The following RBM28 variants were observed in gnomAD, a reference collection of about 807,000 sequenced individuals.
RBM28 encodes the protein RNA-binding protein 28.
RBM28 carries 78 observed loss-of-function variants against 98.3 expected under a neutral mutation model. That is an observed-to-expected ratio of 0.79 (90% CI 0.66 to 0.96). The LOEUF (loss-of-function observed/expected upper bound fraction) is 0.96, where lower values mean the gene tolerates loss of function less well. Ranked by LOEUF, RBM28 falls within the 40% of genes least tolerant of loss-of-function variation. The pLI, the probability that RBM28 is intolerant of heterozygous loss-of-function variation, is 0.00. For synonymous variants in RBM28, 306 were observed against 330.9 expected (o/e 0.92, Z 0.82); for missense variants, 838 against 913.0 (o/e 0.92, Z 1.06).
At chr7:128,323,746 C>T (rs1318348313) in intron 12 of RBM28, among the ~76,000 whole-genome samples, 155 bp from the exon 13 acceptor site, 1 of 152,200 alleles carries the variant, frequency 6.6e-6, no homozygotes, top group African/African-American at 2.4e-5. Context: ...CAGAAATAGG[C>T]TACAGGGCTA....
intron 2 of RBM28, 109 bp downstream of exon 2, chr7:128,339,524 T>C: frequency 1.4e-6 from 2 of 1,396,792 alleles, no homozygotes; most frequent in Non-Finnish European, 2.0e-6. Flanking sequence ...CAAAAAGAAA[T>C]GCAAAAAGCT....
In RBM28 at chr7:128,309,620, G is replaced by A. The variant is rs1460591744; in HGVS notation, c.*1177C>T. The A allele has an allele frequency of 6.8e-6, 1 of 147,408 alleles. No homozygotes were observed. The highest frequency in any genetic ancestry group is 2.5e-5 in the African/African-American group (1 of 39,494). 9.1% of individuals were successfully genotyped at this position (147,408 alleles called of 1,614,324 possible). ...TGCACTCCAGCCTGGGCGACAGAGT[G>A]AGACTCCATCTCAAAAAAAAAAAAA... On this transcript the variant is annotated 3_prime_UTR_variant, in exon 19 of 19. Transcript: ENST00000223073.
chr7:128,343,807 C>T lies in RBM28; in HGVS notation c.-14G>A. ...CAGGCCGGCCATGAGACCGGGAAAC[C>T]CAAAGCGCGTGAGGACGCGAGCAAA... On this transcript the variant is annotated 5_prime_UTR_variant, in exon 1 of 19. Transcript: ENST00000223073. The T allele has an allele frequency of 6.4e-7, 1 of 1,572,406 alleles. No homozygotes were observed. The highest frequency in any genetic ancestry group is 8.6e-7 in the Non-Finnish European group (1 of 1,157,594).
At chr7:128,320,165 C>T (rs539830276) in intron 14 of RBM28, among the ~76,000 whole-genome samples, 2 of 143,378 alleles carry the variant, frequency 1.4e-5, no homozygotes, top group African/African-American at 2.6e-5. Context: ...TGCGTTGAGC[C>T]GAGATCATGC....
rs1795965125 is a variant in RBM28, at chr7:128,310,816, C to T, written c.2261G>A (p.Ser754Asn). 2 of 1,614,196 alleles carry T rather than the reference C, an allele frequency of 1.2e-6. No homozygotes were observed. The highest frequency in any genetic ancestry group is 1.7e-5 in the Admixed American group (1 of 60,024). ...PSKGAPLAKRSKWFDS is the reference protein window; with the variant it reads ...PSKGAPLAKRNKWFDS ...CCATCATCAACTATCAAACCATTTG[C>T]TCCTCTTTGCAAGAGGTGCTCCTTT... Residue 754 changes from serine (S) to asparagine (N), a missense_variant, in exon 19 of 19, where the codon AGC becomes AAC. Transcript: ENST00000223073.
intron 1 of RBM28, among the ~76,000 whole-genome samples, chr7:128,341,801 T>C (rs536616131): frequency 1.3e-5 from 2 of 152,230 alleles, no homozygotes; most frequent in Admixed American, 6.5e-5. Flanking sequence ...ACATATATTC[T>C]TTATTTAAAA....
intron 10 of RBM28, among the ~76,000 whole-genome samples, chr7:128,330,371 CTTTTTTTTT>C (rs72352301): frequency 1.2e-5 from 1 of 83,452 alleles, no homozygotes; most frequent in African/African-American, 4.7e-5. Flanking sequence ...GTCCCTGGTC[CTTTTTTTTT>C]TTTTTTTTTT....
chr7:128,327,327 G>T (rs1181217569), intron 10 of RBM28, among the ~76,000 whole-genome samples: 1 of 152,050 alleles, frequency 6.6e-6, no homozygotes, highest in Non-Finnish European at 1.5e-5. Context: ...GATATGGGCA[G>T]ATCTGCTTCT....
chr7:128,343,693 A>G lies in RBM28; in HGVS notation c.101T>C (p.Phe34Ser). Residue 34 changes from phenylalanine to serine, a missense_variant, in exon 1 of 19, where the codon TTC becomes TCC. Phe to Ser is a radical substitution (Grantham distance 155). Coordinates refer to ENST00000223073, the MANE Select transcript of RBM28 (RefSeq NM_018077.3). ...GCCCCTACCTTTTTCAGTCACCACG[A>G]AGCACTGCTTCACCGGCCCCACCTG... The part of the protein sequence containing the change: ...FSQVGPVKQC[F>S]VVTEKGSKAC... The G allele has an allele frequency of 1.2e-6, 2 of 1,611,010 alleles. No individual in the cohort carries two copies. The highest frequency in any genetic ancestry group is 1.1e-5 in the South Asian group (1 of 90,638).
At chr7:128,342,502 C>A (rs988627298) in intron 1 of RBM28, among the ~76,000 whole-genome samples, 1 of 151,892 alleles carries the variant, frequency 6.6e-6, no homozygotes, top group Non-Finnish European at 1.5e-5. Context: ...GCCAACATAG[C>A]GAAACCCCGT....
At chr7:128,337,562 CT>C (rs57902037) in intron 5 of RBM28, among the ~76,000 whole-genome samples, 1 of 139,808 alleles carries the variant, frequency 7.2e-6, no homozygotes. Context: ...GCAATAACTT[CT>C]TTTTTTTTTT....
chr7:128,339,559 G>A, intron 2 of RBM28, 74 bp downstream of exon 2: 1 of 1,524,254 alleles, frequency 6.6e-7, no homozygotes, highest in South Asian at 1.1e-5. Flanking sequence ...CTACCTCCAT[G>A]CCTCCCTCTT....
chr7:128,310,068 A>G lies in RBM28; in HGVS notation c.*729T>C, dbSNP rs1031644962. On this transcript the variant is annotated 3_prime_UTR_variant, in exon 19 of 19. Coordinates refer to ENST00000223073, the MANE Select transcript of RBM28 (RefSeq NM_018077.3). Reference sequence around the variant, plus strand: ...GGATCAAGTGTCCTCATTAAGGAGGACTTAGAGAGCTAGTGGATACGATGA... The same window carrying G: ...GGATCAAGTGTCCTCATTAAGGAGGGCTTAGAGAGCTAGTGGATACGATGA... The G allele has an allele frequency of 2.0e-5, 3 of 152,554 alleles. No homozygotes were observed. The highest frequency in any genetic ancestry group is 7.2e-5 in the African/African-American group (3 of 41,436). The allele number at this position is 152,554 out of a possible 1,614,324, so 9.5% of individuals were successfully genotyped here.
chr7:128,320,157 C>T (rs144424862), intron 14 of RBM28, among the ~76,000 whole-genome samples: 301 of 140,914 alleles, frequency 2.1e-3, no homozygotes, highest in African/African-American at 7.7e-3. Flanking sequence ...GCGGAGGTTG[C>T]GTTGAGCCGA....
chr7:128,319,423 A>G (rs1224916647), intron 14 of RBM28, among the ~76,000 whole-genome samples: 3 of 152,264 alleles, frequency 2.0e-5, no homozygotes, highest in African/African-American at 7.2e-5. Flanking sequence ...AGGAGAAATT[A>G]CACAACTGTC....
intron 10 of RBM28, among the ~76,000 whole-genome samples, chr7:128,330,483 G>A (rs1374238711): frequency 6.9e-6 from 1 of 145,538 alleles, no homozygotes; most frequent in Non-Finnish European, 1.5e-5. Context: ...CCGGGTTCAA[G>A]CAATTTTCCT....
At chr7:128,327,308 G>C (rs982494531) in intron 10 of RBM28, among the ~76,000 whole-genome samples, 8 of 152,026 alleles carry the variant, frequency 5.3e-5, no homozygotes, top group African/African-American at 1.9e-4. Flanking sequence ...AGTCACTTGG[G>C]AGGCATCAGA....
chr7:128,341,284 A>G, intron 1 of RBM28: 1 of 838,142 alleles, frequency 1.2e-6, no homozygotes, highest in Non-Finnish European at 1.7e-6. Flanking sequence ...AAAGCTGCCC[A>G]CTCACCTTTC....
Position 128,308,672 on chromosome 7 carries a change from T to TC in RBM28, c.*2124dup, listed in dbSNP as rs1258524914. Reference sequence around the variant, plus strand: ...AAGGCATTTCAGAGCATTCATGGGTTCCCCAAGATATTGCGATGAAATAAC... The same window carrying TC: ...AAGGCATTTCAGAGCATTCATGGGTTCCCCCAAGATATTGCGATGAAATAAC... On this transcript the variant is annotated 3_prime_UTR_variant, in exon 19 of 19. Transcript: ENST00000223073. 6.6e-6 allele frequency: 1 copy of TC among 152,202 alleles called. No homozygotes were observed. The highest frequency in any genetic ancestry group is 1.5e-5 in the Non-Finnish European group (1 of 68,050). 9.4% of individuals were successfully genotyped at this position (152,202 alleles called of 1,614,324 possible).
Sources: allele counts gnomAD v4.1 joint callset (sites outside exome capture counted in the v4.1 genomes callset), GRCh38; gene constraint gnomAD v4.1.1; transcripts MANE v1.5; gene names NCBI Gene and HGNC (gene_info 2026-07-23, HGNC 2026-07-21).